Variants in MTMR8 observed in about 807,000 individuals in gnomAD.
MTMR8 encodes phosphatidylinositol-3,5-bisphosphate 3-phosphatase MTMR8.
Under a neutral mutation model 39.3 loss-of-function variants are expected in MTMR8, and 65 were observed. The ratio of observed to expected loss-of-function variants is 1.65; its 90% CI spans 1.35 to 2.03. The LOEUF (loss-of-function observed/expected upper bound fraction) is 2.03. MTMR8 is among the 30% of genes most tolerant of loss of function. The pLI is 0.00. For synonymous variants in MTMR8, 245 were observed against 185.2 expected, an observed-to-expected ratio of 1.32 and a Z score of -2.62; for missense variants, 777 against 538.9, an observed-to-expected ratio of 1.44 and a Z score of -4.37.
rs578126686 is a variant in MTMR8, at chrX:64,379,729, T to C, written c.24+15611A>G. 6.3e-5 allele frequency among the ~76,000 whole-genome samples: 7 copies of C among 111,908 alleles called. 1 individual carries two copies. The South Asian group carries it at 2.6e-3, about 42-fold the overall frequency. On this transcript the variant is annotated intron_variant, in intron 1 of 13. Transcript: ENST00000374852. ...AGTCCCCATCTCAAAAAAAGTCATA[T>C]TCTGAGGTTAGGACTTCAACATATG... is the stretch of plus-strand genomic sequence containing the variant.
chrX:64,286,872 A>C (rs978009027), intron 12 of MTMR8, among the ~76,000 whole-genome samples: 3 of 111,686 alleles, frequency 2.7e-5, no homozygotes, highest in Admixed American at 9.5e-5. Flanking sequence ...AATGGGCAAA[A>C]ACTGGAAGCA....
intron 1 of MTMR8, among the ~76,000 whole-genome samples, chrX:64,380,117 C>G (rs753038457): frequency 1.4e-4 from 16 of 112,261 alleles, no homozygotes; most frequent in Non-Finnish European, 2.4e-4. Flanking sequence ...TTCAGTTAAA[C>G]CAGGGAACTG....
intron 9 of MTMR8, 75 bp downstream of exon 9, chrX:64,337,193 T>C (rs1416803575): frequency 9.2e-7 from 1 of 1,086,176 alleles, no homozygotes; most frequent in African/African-American, 1.9e-5. Flanking sequence ...AAAAAAATAT[T>C]GTTTGACAGT....
At chrX:64,341,324 C>A (rs1294992153) in intron 8 of MTMR8, among the ~76,000 whole-genome samples, 1 of 110,179 alleles carries the variant, frequency 9.1e-6, no homozygotes, top group Non-Finnish European at 1.9e-5. Context: ...GCTAAAAATA[C>A]AAAAATTAGT....
At chrX:64,284,044 C>T (rs947874768) in intron 12 of MTMR8, among the ~76,000 whole-genome samples, 3 of 111,795 alleles carry the variant, frequency 2.7e-5, no homozygotes, top group Non-Finnish European at 5.6e-5. Context: ...GGAGGAAGTT[C>T]GAACCCATGG....
intron 6 of MTMR8, among the ~76,000 whole-genome samples, chrX:64,345,529 T>C (rs1390254809): frequency 6.2e-5 from 7 of 112,450 alleles, no homozygotes; most frequent in Non-Finnish European, 1.1e-4. Context: ...AAGGGTTTTA[T>C]ACTGAGAAAC....
chrX:64,338,521 T>C (rs1420921757), intron 8 of MTMR8, among the ~76,000 whole-genome samples: 1 of 111,920 alleles, frequency 8.9e-6, no homozygotes, highest in African/African-American at 3.2e-5. Flanking sequence ...AATTAATGAC[T>C]CAGGCTAAGC....
At chrX:64,301,730 G>C (rs1921884664) in intron 12 of MTMR8, among the ~76,000 whole-genome samples, 1 of 111,298 alleles carries the variant, frequency 9.0e-6, no homozygotes, top group African/African-American at 3.3e-5. Context: ...GGTCTTTGAT[G>C]ATGGTGATGT....
chrX:64,268,460 A>G lies in MTMR8; in HGVS notation c.*77T>C. 8.9e-7 allele frequency: 1 copy of G among 1,122,501 alleles called. No homozygotes were observed. Among genetic ancestry groups the G allele is most frequent in the Non-Finnish European group, 1.2e-6 (1 of 845,828 alleles). The allele number at this position is 1,122,501 out of a possible 1,213,427, so 92.5% of individuals were successfully genotyped here. ...TTCACCCACTTAAACCAATTGGAAA[A>G]GCAGCATAGCCCTCTCTGGGACAAG... On this transcript the variant is annotated 3_prime_UTR_variant, in exon 14 of 14. Coordinates refer to ENST00000374852, the MANE Select transcript of MTMR8 (RefSeq NM_017677.4).
chrX:64,363,966 C>T (rs1569228909), intron 1 of MTMR8, among the ~76,000 whole-genome samples: 1 of 112,614 alleles, frequency 8.9e-6, no homozygotes, highest in Non-Finnish European at 1.9e-5. Flanking sequence ...GGTCCCACGC[C>T]CACGGAGCCT....
chrX:64,327,140 A>G, intron 12 of MTMR8, among the ~76,000 whole-genome samples: 1 of 111,934 alleles, frequency 8.9e-6, no homozygotes, highest in Non-Finnish European at 1.9e-5. Context: ...TTTTTTGGCT[A>G]TGACTCTAAA....
chrX:64,317,826 T>G (rs752501246), intron 12 of MTMR8, among the ~76,000 whole-genome samples: 8 of 112,443 alleles, frequency 7.1e-5, no homozygotes, highest in Non-Finnish European at 1.3e-4. Context: ...TCCTCATTAT[T>G]GCCAGGTGGG....
At chrX:64,340,688 C>A (rs987858429) in intron 8 of MTMR8, among the ~76,000 whole-genome samples, 6 of 111,945 alleles carry the variant, frequency 5.4e-5, no homozygotes, top group Non-Finnish European at 7.5e-5. Flanking sequence ...TAAGCAGACA[C>A]CTCAGGTAGT....
chrX:64,290,317 C>A (rs1921352416), intron 12 of MTMR8, among the ~76,000 whole-genome samples: 1 of 110,780 alleles, frequency 9.0e-6, no homozygotes, highest in Admixed American at 9.7e-5. Flanking sequence ...GACACAAGAC[C>A]AAGCCCCTGA....
At chrX:64,372,033 T>C (rs1036082552) in intron 1 of MTMR8, among the ~76,000 whole-genome samples, 2 of 108,923 alleles carry the variant, frequency 1.8e-5, no homozygotes, top group African/African-American at 6.6e-5. Context: ...CATACCTACA[T>C]TGATGAGAAC....
At chrX:64,316,202 TTTC>T (rs1408480143) in intron 12 of MTMR8, among the ~76,000 whole-genome samples, 1 of 112,548 alleles carries the variant, frequency 8.9e-6, no homozygotes, top group African/African-American at 3.2e-5. Flanking sequence ...TCCATTCTTC[TTTC>T]TTCTTTTCTG....
intron 12 of MTMR8, among the ~76,000 whole-genome samples, chrX:64,280,193 C>T (rs1448615412): frequency 2.7e-5 from 3 of 112,037 alleles, no homozygotes; most frequent in South Asian, 3.7e-4. Context: ...CCTTAACTCA[C>T]TTTATGAGGC....
intron 12 of MTMR8, among the ~76,000 whole-genome samples, chrX:64,311,418 C>T (rs190557808): frequency 1.8e-5 from 2 of 111,130 alleles, no homozygotes; most frequent in African/African-American, 6.5e-5. Flanking sequence ...GGGTAGATTG[C>T]AAAAATTTTC....
intron 12 of MTMR8, among the ~76,000 whole-genome samples, chrX:64,296,562 A>G (rs1455332821): frequency 9.7e-6 from 1 of 103,590 alleles, no homozygotes; most frequent in African/African-American, 3.8e-5. Flanking sequence ...CTGTATATGG[A>G]CCCTATGCTG....
Sources: allele counts gnomAD v4.1 joint callset (sites outside exome capture counted in the v4.1 genomes callset), GRCh38; gene constraint gnomAD v4.1.1; transcripts MANE v1.5; gene names NCBI Gene and HGNC (gene_info 2026-07-23, HGNC 2026-07-21).